RYR2: variants seen among roughly 807,000 people sequenced by gnomAD.
The protein encoded by RYR2 is ryanodine receptor 2.
A neutral mutation model predicts 601.1 loss-of-function variants in RYR2; 227 were observed. That is an observed-to-expected ratio of 0.38 (90% confidence interval 0.34 to 0.42). RYR2 has a LOEUF of 0.42. Among genes scored for constraint, RYR2 ranks in the 10% least tolerant of loss-of-function variants. The probability of loss-of-function intolerance (pLI) is 1.00; values close to 1 mark genes in which losing one functional copy is unlikely to be tolerated. For synonymous variants in RYR2, 2,223 were observed against 2,175.1 expected (o/e 1.02, Z -0.61); for missense variants, 4,646 against 6,156.5 (o/e 0.75, Z 8.21).
At chr1:237,719,171 G>A (rs1023573785) in intron 73 of RYR2, among the ~76,000 whole-genome samples, 3 of 152,050 alleles carry the variant, frequency 2.0e-5, no homozygotes, top group African/African-American at 7.3e-5. Context: ...GTGGGAGGAT[G>A]GCTTGAGCCT....
intron 41 of RYR2, among the ~76,000 whole-genome samples, chr1:237,629,473 T>G (rs1680028849): frequency 6.6e-6 from 1 of 151,936 alleles, no homozygotes; most frequent in South Asian, 2.1e-4. Context: ...GAACAATACC[T>G]AAACATAAAA....
At position 237,475,398 on chromosome 1, in the gene RYR2, A is replaced by T. The variant is rs1448013488; in HGVS notation, c.1708+6211A>T. ...AGCTAAAATTTCTAAGCAGGCTTTC[A>T]TAGGCTTTCTCTTGATCTTAATTTC... On this transcript the variant is annotated intron_variant, in intron 17 of 104. Coordinates refer to ENST00000366574, the MANE Select transcript of RYR2 (RefSeq NM_001035.3). 3.3e-5 allele frequency among the ~76,000 whole-genome samples: 5 copies of T among 152,160 alleles called. No homozygotes were observed. The East Asian group carries it at 9.6e-4, about 29-fold the overall frequency.
chr1:237,388,220 C>A, intron 10 of RYR2, 37 bp downstream of exon 10: 1 of 1,552,230 alleles, frequency 6.4e-7, no homozygotes, highest in Non-Finnish European at 8.9e-7. Flanking sequence ...GACTTGCACT[C>A]TTTTGCCTTG....
In RYR2 at chr1:237,180,672, GTA is replaced by G. The variant is rs71766192; in HGVS notation, c.49-89819_49-89818del. Among the ~76,000 whole-genome samples, 5,044 of 112,460 alleles carry G rather than the reference GTA, an allele frequency of 0.045. 302 individuals are homozygous for G. The highest frequency in any genetic ancestry group is 0.16 in the African/African-American group (4,739 of 28,926). The allele number at this position is 112,460 out of a possible 152,430, so 73.8% of individuals were successfully genotyped here. The stretch of plus-strand genomic sequence containing the variant: ...TATATGTGTATATATGTATACATGT[GTA>G]TATATGTGTATATATGTATATATAA... On this transcript the variant is annotated intron_variant, in intron 1 of 104. Coordinates refer to ENST00000366574, the MANE Select transcript of RYR2 (RefSeq NM_001035.3). This position sits in a 1 kb window ranked among gnomAD's most constrained non-coding sequence, Gnocchi z 5.3.
chr1:237,426,781 G>T (rs542004949), intron 12 of RYR2, among the ~76,000 whole-genome samples: 176 of 152,302 alleles, frequency 1.2e-3, no homozygotes, highest in Middle Eastern at 6.8e-3. Flanking sequence ...GGAGTCTGTG[G>T]TGGGAGGATC....
chr1:237,805,523 G>A (rs1406004076), intron 98 of RYR2, among the ~76,000 whole-genome samples: 1 of 143,054 alleles, frequency 7.0e-6, no homozygotes, highest in African/African-American at 2.6e-5. Context: ...AGAGCTTGCA[G>A]TGAGCTGAGA....
At chr1:237,692,909 C>T (rs1040853178) in intron 63 of RYR2, among the ~76,000 whole-genome samples, 1 of 152,180 alleles carries the variant, frequency 6.6e-6, no homozygotes, top group African/African-American at 2.4e-5. Flanking sequence ...AAACTCTCAG[C>T]TCTGTGAGGT....
intron 1 of RYR2, among the ~76,000 whole-genome samples, chr1:237,211,416 G>A (rs569742046): frequency 9.1e-4 from 139 of 152,290 alleles, no homozygotes; most frequent in South Asian, 4.1e-3. Context: ...TTTGTACTCT[G>A]AACAATCTTC....
At chr1:237,671,613 T>C (rs1016388814) in intron 58 of RYR2, among the ~76,000 whole-genome samples, 1 of 151,980 alleles carries the variant, frequency 6.6e-6, no homozygotes, top group African/African-American at 2.4e-5. Flanking sequence ...TGCACAGTTT[T>C]GTTTTCACCC....
chr1:237,714,056 A>G (rs1689060860), intron 71 of RYR2, among the ~76,000 whole-genome samples: 1 of 152,028 alleles, frequency 6.6e-6, no homozygotes, highest in Admixed American at 6.6e-5. Flanking sequence ...TTCTGTTCAT[A>G]ATGTGGCAAA....
chr1:237,467,558 C>G (rs1159606390), intron 16 of RYR2, among the ~76,000 whole-genome samples: 3 of 152,156 alleles, frequency 2.0e-5, no homozygotes, highest in African/African-American at 7.2e-5. Context: ...AGAGGAGAGC[C>G]TGAGTAATGA....
chr1:237,313,100 CA>C (rs1403147642), intron 2 of RYR2, among the ~76,000 whole-genome samples: 6 of 152,086 alleles, frequency 3.9e-5, no homozygotes, highest in South Asian at 4.2e-4. Context: ...AAAATGTAGA[CA>C]TTTTTTCTTA....
intron 1 of RYR2, among the ~76,000 whole-genome samples, chr1:237,255,961 G>T (rs937342960): frequency 6.6e-6 from 1 of 151,904 alleles, no homozygotes; most frequent in African/African-American, 2.4e-5. Context: ...GGAGAAGTCA[G>T]CCAGGTGATT....
chr1:237,704,997 A>G (rs1688251929), intron 66 of RYR2, among the ~76,000 whole-genome samples: 1 of 152,190 alleles, frequency 6.6e-6, no homozygotes, highest in African/African-American at 2.4e-5. Flanking sequence ...GTTGACAGAT[A>G]ATTTTTTGCT....
At chr1:237,466,264 C>T (rs1237157105) in intron 16 of RYR2, among the ~76,000 whole-genome samples, 1 of 152,094 alleles carries the variant, frequency 6.6e-6, no homozygotes, top group Non-Finnish European at 1.5e-5. Flanking sequence ...CTTCCAGGCT[C>T]AAGCAATCTT....
chr1:237,207,335 G>T (rs1042013881), intron 1 of RYR2, among the ~76,000 whole-genome samples: 1 of 152,198 alleles, frequency 6.6e-6, no homozygotes, highest in Non-Finnish European at 1.5e-5. Context: ...AGAGGTGGAG[G>T]TGGATGGATC....
intron 80 of RYR2, chr1:237,755,002 C>A: frequency 2.0e-6 from 2 of 1,005,954 alleles, no homozygotes; most frequent in Non-Finnish European, 2.7e-6. Flanking sequence ...ATAAAATTAA[C>A]CACAGGAGCG....
At chr1:237,128,767 T>C (rs2148690112) in intron 1 of RYR2, among the ~76,000 whole-genome samples, 1 of 152,228 alleles carries the variant, frequency 6.6e-6, no homozygotes, top group Non-Finnish European at 1.5e-5. Flanking sequence ...TGCAGAGAGC[T>C]GTTGCAGTGA....
chr1:237,482,750 A>G (rs1166565733), intron 17 of RYR2, among the ~76,000 whole-genome samples: 1 of 152,030 alleles, frequency 6.6e-6, no homozygotes, highest in East Asian at 1.9e-4. Flanking sequence ...TAGTAGCTCA[A>G]TTTTTAGTTT....
Sources: gnomAD v4.1 joint callset for allele counts (sites outside exome capture counted in the v4.1 genomes callset) on GRCh38, gnomAD v4.1.1 for gene constraint, Gnocchi (gnomAD v3.1) non-coding constraint, MANE v1.5 for transcripts, NCBI Gene and HGNC (gene_info 2026-07-23, HGNC 2026-07-21) for gene names.